Variants in CYGB observed in about 807,000 individuals in gnomAD.
The protein encoded by CYGB is cytoglobin, also known as histoglobin.
CYGB carries 13 observed loss-of-function variants against 20.7 expected under a neutral mutation model. The observed-to-expected ratio is 0.63, with a 90% CI of 0.41 to 1.00. CYGB has a LOEUF of 1.00. Among genes scored for constraint, CYGB ranks in the 50% least tolerant of loss-of-function variants. The pLI is 0.00. For missense variants in CYGB, 218 were observed against 257.2 expected, an observed-to-expected ratio of 0.85 and a Z score of 1.04; for synonymous variants, 93 against 107.4, an observed-to-expected ratio of 0.87 and a Z score of 0.83.
At chr17:76,540,708 G>C (rs2074982303), upstream of CYGB, 2 of 856,484 alleles carry the variant, frequency 2.3e-6, no homozygotes, top group Admixed American at 2.0e-5. This position sits in a 1 kb window ranked among gnomAD's most constrained non-coding sequence, Gnocchi z 5.0. Context: ...TAAGCACCCT[G>C]CTCCCTGTCC....
At chr17:76,529,093 G>A in intron 3 of CYGB, 1 of 961,764 alleles carries the variant, frequency 1.0e-6, no homozygotes, top group Non-Finnish European at 1.2e-6. Context: ...CTGGAGCAGA[G>A]ACGGCTCAAT....
chr17:76,531,502 T>C lies in CYGB; in HGVS notation c.333A>G (p.Lys111=), dbSNP rs1386077833. The change falls in exon 2 of 4, where the codon AAA becomes AAG. Residue 111 remains lysine, a synonymous_variant. Transcript: ENST00000293230. This position sits in a 1 kb window ranked among gnomAD's most constrained non-coding sequence, Gnocchi z 7.4. ...CCACCTTGTGCTTGAGGGCGTGGGC[T>C]TTCCCCACAAGGGCGAGCACAGAGG... The part of the protein sequence containing the change: ...KVSSVLALVG[K]AHALKHKVEP... 1.2e-6 allele frequency: 2 copies of C among 1,613,184 alleles called. No homozygotes were observed. Among genetic ancestry groups the C allele is most frequent in the African/African-American group, 2.7e-5 (2 of 74,922 alleles).
chr17:76,543,522 G>GA (rs2075016665), intron 1 of CYGB: 2 of 348,766 alleles, frequency 5.7e-6, no homozygotes, highest in Admixed American at 7.6e-5. Flanking sequence ...TCTAAATGGG[G>GA]AAACACAGAG....
intron 1 of CYGB, among the ~76,000 whole-genome samples, chr17:76,549,745 G>A (rs918403632): frequency 8.5e-5 from 13 of 152,172 alleles, no homozygotes; most frequent in South Asian, 4.1e-4. Context: ...GCAATGAAAA[G>A]GAAATGAACT....
intron 1 of CYGB, chr17:76,544,752 C>T (rs2075034626): frequency 4.4e-6 from 2 of 456,658 alleles, no homozygotes; most frequent in Admixed American, 2.3e-5. Flanking sequence ...TGCATTTATT[C>T]TCTATTTGCC....
At chr17:76,540,232 G>C, upstream of CYGB, 2 of 1,486,832 alleles carry the variant, frequency 1.3e-6, no homozygotes, top group Non-Finnish European at 1.8e-6. This position sits in a 1 kb window ranked among gnomAD's most constrained non-coding sequence, Gnocchi z 5.0. Flanking sequence ...AACTGACCGG[G>C]CTATGGCTGG....
At position 76,531,872 on chromosome 17, in the gene CYGB, T is replaced by C; in HGVS notation, c.144-181A>G. On this transcript the variant is annotated intron_variant, in intron 1 of 3. Coordinates refer to ENST00000293230, the MANE Select transcript of CYGB (RefSeq NM_134268.5). The surrounding 1 kb of genome is among the most constrained non-coding windows in gnomAD (Gnocchi z 7.4). Reference sequence around the variant, plus strand: ...CCCTCCTCCCTCTGGCCAAGCCGGCTCACCCCTACCAAGTCTGGCCATGTC... The same window carrying C: ...CCCTCCTCCCTCTGGCCAAGCCGGCCCACCCCTACCAAGTCTGGCCATGTC... 1 of 570,610 alleles carries C rather than the reference T, an allele frequency of 1.8e-6. No individual in the cohort carries two copies. Among genetic ancestry groups the C allele is most frequent in the Non-Finnish European group, 3.1e-6 (1 of 323,304 alleles). The allele number at this position is 570,610 out of a possible 1,614,324, so 35.3% of individuals were successfully genotyped here.
At chr17:76,539,941 G>A, upstream of CYGB, 1 of 611,726 alleles carries the variant, frequency 1.6e-6, no homozygotes. Context: ...CTGGAGGGGA[G>A]AACCTGGGCC....
chr17:76,533,260 AG>A lies in CYGB; in HGVS notation c.144-1570del, dbSNP rs748064551. ...TCCCTGTTTGCAGAAGGGCAAGAGG[AG>A]GGCCCCCGCTCACTGCTTCATGGAT... On this transcript the variant is annotated intron_variant, in intron 1 of 3. Coordinates refer to ENST00000293230, the MANE Select transcript of CYGB (RefSeq NM_134268.5). The surrounding 1 kb of genome is among the most constrained non-coding windows in gnomAD (Gnocchi z 4.5). Among the ~76,000 whole-genome samples, 7 of 152,192 alleles carry A rather than the reference AG, an allele frequency of 4.6e-5. No homozygotes were observed. Among genetic ancestry groups the A allele is most frequent in the Non-Finnish European group, 8.8e-5 (6 of 68,036 alleles).
At position 76,531,802 on chromosome 17, in the gene CYGB, C is replaced by T. The variant is rs564012862; in HGVS notation, c.144-111G>A. 122 of 841,456 alleles carry T rather than the reference C, an allele frequency of 1.4e-4. 4 individuals are homozygous for T. The Admixed American group carries it at 3.0e-3, about 21-fold the overall frequency. 52.1% of individuals were successfully genotyped at this position (841,456 alleles called of 1,614,324 possible). On this transcript the variant is annotated intron_variant, in intron 1 of 3. Coordinates refer to ENST00000293230, the MANE Select transcript of CYGB (RefSeq NM_134268.5). The surrounding 1 kb of genome is among the most constrained non-coding windows in gnomAD (Gnocchi z 7.4). ...AGTGGACCGCAGTGCTCCCCACCCC[C>T]GCACCGTCACTGTTTTCACTACCAT...
chr17:76,544,139 G>A, intron 1 of CYGB: 1 of 454,590 alleles, frequency 2.2e-6, no homozygotes, highest in Non-Finnish European at 4.4e-6. Flanking sequence ...AGATCCAGGA[G>A]CAGACCCTGC....
rs2074871386 is a variant in CYGB at position 76,533,384 on chromosome 17, A to C, written c.144-1693T>G. Reference sequence around the variant, plus strand: ...GACAAATGTGAAAAACCCAATTTGGACTTAAACAAGCATCTCAGACTTTGG... The same window carrying C: ...GACAAATGTGAAAAACCCAATTTGGCCTTAAACAAGCATCTCAGACTTTGG... On this transcript the variant is annotated intron_variant, in intron 1 of 3. Coordinates refer to ENST00000293230, the MANE Select transcript of CYGB (RefSeq NM_134268.5). This position sits in a 1 kb window ranked among gnomAD's most constrained non-coding sequence, Gnocchi z 4.5. Among the ~76,000 whole-genome samples, 1 of 152,258 alleles carries C rather than the reference A, an allele frequency of 6.6e-6. No homozygotes were observed. Among genetic ancestry groups the C allele is most frequent in the Non-Finnish European group, 1.5e-5 (1 of 68,042 alleles).
chr17:76,542,721 A>T (rs1329103397), intron 1 of CYGB: 1 of 831,794 alleles, frequency 1.2e-6, no homozygotes, highest in Non-Finnish European at 2.1e-6. Flanking sequence ...ATGTGGGAGG[A>T]TAGCAGGCAG....
rs1350859970 is a variant in CYGB at position 76,531,143 on chromosome 17, C to G, written c.376-1G>C. ...CCTCCAGAATGACCCCAGAGAGGAT[C>G]TGGGGGCAAAGGGAGGAAGGGGGAG... On this transcript the variant is annotated splice_acceptor_variant, in intron 2 of 3. Transcript: ENST00000293230. LOFTEE classifies it high-confidence loss of function. The surrounding 1 kb of genome is among the most constrained non-coding windows in gnomAD (Gnocchi z 7.4). 6.2e-7 allele frequency: 1 copy of G among 1,612,264 alleles called. No homozygotes were observed. Among genetic ancestry groups the G allele is most frequent in the Non-Finnish European group, 8.5e-7 (1 of 1,178,900 alleles).
chr17:76,543,327 G>A, intron 1 of CYGB: 1 of 343,566 alleles, frequency 2.9e-6, no homozygotes, highest in South Asian at 2.3e-5. Context: ...GGACTTGCTG[G>A]GTCCACCAGG....
At chr17:76,529,271 G>A (rs891231934) in intron 3 of CYGB, 3 of 985,316 alleles carry the variant, frequency 3.0e-6, no homozygotes, top group African/African-American at 3.5e-5. Flanking sequence ...GCTAGAGGGT[G>A]TAAAGGGATG....
At position 76,537,588 on chromosome 17, in the gene CYGB, CG is replaced by C. The variant is rs776451363; in HGVS notation, c.-47del. Reference sequence around the variant, plus strand: ...CGGCTTTGCTCGGCGGCGGCGGTGGCGGGGCGCGGGGCGCGGGGCGCGGGGC... The same window carrying C: ...CGGCTTTGCTCGGCGGCGGCGGTGGCGGGCGCGGGGCGCGGGGCGCGGGGC... On this transcript the variant is annotated 5_prime_UTR_variant, in exon 1 of 4. Transcript: ENST00000293230. 2 of 1,047,462 alleles carry C rather than the reference CG, an allele frequency of 1.9e-6. No individual in the cohort carries two copies. Among genetic ancestry groups the C allele is most frequent in the Non-Finnish European group, 2.3e-6 (2 of 870,292 alleles). 64.9% of individuals were successfully genotyped at this position (1,047,462 alleles called of 1,614,324 possible).
chr17:76,537,355 G>A (rs1303894454), intron 1 of CYGB, 45 bp downstream of exon 1: 3 of 1,539,658 alleles, frequency 1.9e-6, no homozygotes, highest in Non-Finnish European at 2.6e-6. Context: ...CGGAGCCGCT[G>A]CCGCCCTCCC....
intron 1 of CYGB, among the ~76,000 whole-genome samples, chr17:76,548,932 AACCCAAGCGG>A (rs1207119760): frequency 6.6e-6 from 1 of 152,188 alleles, no homozygotes; most frequent in Non-Finnish European, 1.5e-5. Flanking sequence ...GGGGAGGGGA[AACCCAAGCGG>A]ACCACAGTGG....
Sources: gnomAD v4.1 joint callset for allele counts (sites outside exome capture counted in the v4.1 genomes callset) on GRCh38, gnomAD v4.1.1 for gene constraint, Gnocchi (gnomAD v3.1) non-coding constraint, MANE v1.5 for transcripts, NCBI Gene and HGNC (gene_info 2026-07-23, HGNC 2026-07-21) for gene names.